The following MAPK12 variants were observed in gnomAD, a reference collection of about 807,000 sequenced individuals.
MAPK12 encodes the protein mitogen-activated protein kinase 12.
A neutral mutation model predicts 49.1 loss-of-function variants in MAPK12; 49 were observed. The ratio of observed to expected loss-of-function variants is 1.00; its 90% CI spans 0.79 to 1.27. The LOEUF is 1.27. Ranked by LOEUF, MAPK12 falls within the 50% of genes most tolerant of loss-of-function variation. The pLI is 0.00. For missense variants in MAPK12, 554 were observed against 502.4 expected (o/e 1.10, Z -0.98); for synonymous variants, 251 against 209.7 (o/e 1.20, Z -1.70).
At position 50,255,210 on chromosome 22, in the gene MAPK12, C is replaced by T. The variant is rs200133095; in HGVS notation, c.1011G>A (p.Leu337=). Residue 337 remains leucine (L), a synonymous_variant, in exon 11 of 12, where the codon CTG becomes CTA. Coordinates refer to ENST00000215659, the MANE Select transcript of MAPK12 (RefSeq NM_002969.6). ...CCCCCCACTCACGCTTCCATTCATC[C>T]AGTGTGCGGTCAACGTCGTCAAAGG... ...DDSFDDVDRT[L]DEWKRVTYKE... 51 of 1,613,750 alleles carry T rather than the reference C, an allele frequency of 3.2e-5. No homozygotes were observed. The highest frequency in any genetic ancestry group is 4.1e-5 in the Non-Finnish European group (48 of 1,179,996).
Position 50,253,325 on chromosome 22 carries a change from C to A in MAPK12, c.*76G>T. The stretch of plus-strand genomic sequence containing the variant: ...TTGGGATGCAAGCCCCAGCCAAGGT[C>A]AAGGTGGCAACGAGAGTCCCCTCTC... On this transcript the variant is annotated 3_prime_UTR_variant, in exon 12 of 12. Transcript: ENST00000215659. 9.0e-7 allele frequency: 1 copy of A among 1,105,354 alleles called. No homozygotes were observed. The highest frequency in any genetic ancestry group is 1.3e-5 in the South Asian group (1 of 75,120). 68.5% of individuals were successfully genotyped at this position (1,105,354 alleles called of 1,614,324 possible). A position where few individuals can be genotyped will look rare whatever the true frequency, so the allele number is the denominator to read the frequency against.
intron 4 of MAPK12, 33 bp downstream of exon 4, chr22:50,257,049 C>G: frequency 1.9e-6 from 3 of 1,606,526 alleles, no homozygotes; most frequent in Non-Finnish European, 2.6e-6. Context: ...GAGGCCCTGC[C>G]TGCCTCCCTG....
In MAPK12 at chr22:50,258,229, A is replaced by T. The variant is rs918650220; in HGVS notation, c.314+14T>A. 10 of 1,612,782 alleles carry T rather than the reference A, an allele frequency of 6.2e-6. No individual in the cohort carries two copies. The highest frequency in any genetic ancestry group is 8.5e-6 in the Non-Finnish European group (10 of 1,179,826). On this transcript the variant is annotated intron_variant, in intron 3 of 11. Transcript: ENST00000215659. ...ACCCCTCGTGCCCAGCGGCCAGCCC[A>T]GGTCGGCACTCACAAGTCCGTGAAG...
intron 2 of MAPK12, among the ~76,000 whole-genome samples, chr22:50,259,181 G>A (rs1030136087): frequency 9.2e-5 from 14 of 152,338 alleles, no homozygotes; most frequent in Admixed American, 3.3e-4. Context: ...GGACAGCTCC[G>A]CCGGAGCCAC....
intron 11 of MAPK12, chr22:50,254,697 G>T (rs1223018944): frequency 1.9e-6 from 2 of 1,050,018 alleles, no homozygotes; most frequent in Non-Finnish European, 2.3e-6. Context: ...GATTCAGGAG[G>T]TGTGAGCAGA....
rs750761400 is a variant in MAPK12 at position 50,261,195 on chromosome 22, C to T, written c.227G>A (p.Arg76His). 1 of 1,591,568 alleles carries T rather than the reference C, an allele frequency of 6.3e-7. No homozygotes were observed. Among genetic ancestry groups the T allele is most frequent in the Non-Finnish European group, 8.5e-7 (1 of 1,170,200 alleles). Residue 76 changes from arginine (R) to histidine (H), a missense_variant, in exon 2 of 12, where the codon CGC becomes CAC. Physicochemically the swap from Arg to His is conservative, Grantham distance 29. Coordinates refer to ENST00000215659, the MANE Select transcript of MAPK12 (RefSeq NM_002969.6). ...CTCGTGGCGCATGTGCTTGAGCAGG[C>T]GCAGCTCGCGGTAGGCGCGCTTGGC... ...LFAKRAYREL[R>H]LLKHMRHENV...
In MAPK12 at chr22:50,261,241, G is replaced by A; in HGVS notation, c.181C>T (p.Pro61Ser). ...TTGGCGAACAGCTCGGACTGGAAAG[G>A]CCGATACAGCTTCTTGATGGCCACC... is the stretch of plus-strand genomic sequence containing the variant. ...AKVAIKKLYR[P>S]FQSELFAKRA... Residue 61 changes from proline to serine, a missense_variant, in exon 2 of 12, where the codon CCT becomes TCT. Transcript: ENST00000215659. 6.4e-7 allele frequency: 1 copy of A among 1,572,992 alleles called. No homozygotes were observed. Among genetic ancestry groups the A allele is most frequent in the Non-Finnish European group, 8.6e-7 (1 of 1,161,492 alleles).
intron 6 of MAPK12, 68 bp from the exon 7 acceptor site, chr22:50,256,267 A>T (rs556745008): frequency 8.0e-7 from 1 of 1,248,632 alleles, no homozygotes; most frequent in South Asian, 1.3e-5. Flanking sequence ...CCCACGGTCC[A>T]GGAGACCCCG....
intron 8 of MAPK12, 31 bp downstream of exon 8, chr22:50,255,779 C>T (rs778005801): frequency 2.6e-5 from 42 of 1,611,910 alleles, no homozygotes; most frequent in South Asian, 1.4e-4. Flanking sequence ...TCCCCACCCG[C>T]CCCTGGTGCC....
intron 6 of MAPK12, 152 bp downstream of exon 6, chr22:50,256,447 C>T: frequency 9.6e-7 from 1 of 1,036,348 alleles, no homozygotes; most frequent in Non-Finnish European, 1.4e-6. Flanking sequence ...TTGTGTACCA[C>T]TGCCTCTTGG....
At chr22:50,258,336 AG>A (rs747755167) in intron 2 of MAPK12, 35 bp from the exon 3 acceptor site, 1 of 1,592,630 alleles carries the variant, frequency 6.3e-7, no homozygotes, top group East Asian at 2.2e-5. Context: ...AATGCAGCAG[AG>A]GACACGGGCT....
chr22:50,256,405 C>T (rs935224365), intron 6 of MAPK12, among the ~76,000 whole-genome samples, 194 bp downstream of exon 6: 3 of 152,238 alleles, frequency 2.0e-5, no homozygotes, highest in African/African-American at 7.2e-5. Flanking sequence ...CAGCAGCCCT[C>T]GGGACGGAGC....
chr22:50,254,833 C>T (rs2065131592), intron 11 of MAPK12: 2 of 1,172,190 alleles, frequency 1.7e-6, no homozygotes, highest in Non-Finnish European at 2.1e-6. Flanking sequence ...TTCCCTGACT[C>T]ACAGCTGCCT....
intron 2 of MAPK12, among the ~76,000 whole-genome samples, chr22:50,260,152 G>A (rs2065195861): frequency 6.6e-6 from 1 of 152,078 alleles, no homozygotes; most frequent in South Asian, 2.1e-4. Context: ...GGGGGTCAGG[G>A]TGGGCATGGG....
At position 50,253,419 on chromosome 22, in the gene MAPK12, G is replaced by A. The variant is rs371639710; in HGVS notation, c.1086C>T (p.Ser362=). The change falls in exon 12 of 12, where the codon TCC becomes TCT. Residue 362 remains serine (S), a synonymous_variant. Coordinates refer to ENST00000215659, the MANE Select transcript of MAPK12 (RefSeq NM_002969.6). Reference sequence around the variant, plus strand: ...GAGATCTTCACAGAGGCGTCTCCTTGGAGACCCTGGCCCCCAGCTGCCGGG... The same window carrying A: ...GAGATCTTCACAGAGGCGTCTCCTTAGAGACCCTGGCCCCCAGCTGCCGGG... ...KPPRQLGARV[S]KETPL is the part of the protein sequence containing the mutation. 30 of 1,482,910 alleles carry A rather than the reference G, an allele frequency of 2.0e-5. No homozygotes were observed. The African/African-American group carries it at 3.7e-4, about 18-fold the overall frequency. 91.9% of individuals were successfully genotyped at this position (1,482,910 alleles called of 1,614,324 possible). A position where few individuals can be genotyped will look rare whatever the true frequency, so the allele number is the denominator to read the frequency against.
intron 2 of MAPK12, among the ~76,000 whole-genome samples, chr22:50,259,070 G>A (rs1289038534): frequency 6.6e-6 from 1 of 152,250 alleles, no homozygotes; most frequent in African/African-American, 2.4e-5. Flanking sequence ...TTGATCCCAA[G>A]AGACGGGGAC....
intron 2 of MAPK12, among the ~76,000 whole-genome samples, chr22:50,259,808 C>T (rs1039520196): frequency 5.9e-5 from 9 of 151,978 alleles, no homozygotes; most frequent in African/African-American, 2.2e-4. Flanking sequence ...CGCCTGAACC[C>T]AGGACGCGAA....
At position 50,257,079 on chromosome 22, in the gene MAPK12, T is replaced by C. The variant is rs1189824516; in HGVS notation, c.426+3A>G. The C allele has an allele frequency of 6.2e-7, 1 of 1,611,636 alleles. No individual in the cohort carries two copies. The highest frequency in any genetic ancestry group is 1.3e-5 in the African/African-American group (1 of 74,892). On this transcript the variant is annotated splice_donor_region_variant and intron_variant, in intron 4 of 11. Transcript: ENST00000215659. The stretch of plus-strand genomic sequence containing the variant: ...TCCCTGCAGCCTCCCCCGGGGCCCG[T>C]ACCCTCAGCCCCTTCAGCATCTGGT...
chr22:50,257,251 C>T (rs769409784), intron 3 of MAPK12, 58 bp from the exon 4 acceptor site: 79 of 1,418,432 alleles, frequency 5.6e-5, no homozygotes, highest in Middle Eastern at 2.0e-4. Flanking sequence ...ATCCCAGAGA[C>T]CCACCCAGCA....
Sources: gnomAD v4.1 joint callset for allele counts (sites outside exome capture counted in the v4.1 genomes callset) on GRCh38, gnomAD v4.1.1 for gene constraint, MANE v1.5 for transcripts, NCBI Gene and HGNC (gene_info 2026-07-23, HGNC 2026-07-21) for gene names.